FOXP1: variants seen among roughly 807,000 people sequenced by gnomAD.
FOXP1 encodes forkhead box P1.
FOXP1 carries 15 observed loss-of-function variants against 98.2 expected under a neutral mutation model. The ratio of observed to expected loss-of-function variants is 0.15; its 90% CI spans 0.10 to 0.24. FOXP1 has a LOEUF of 0.24. FOXP1 is among the 10% of genes least tolerant of loss of function. The pLI is 1.00. For synonymous variants in FOXP1, 371 were observed against 314.5 expected, an observed-to-expected ratio of 1.18 and a Z score of -1.90; for missense variants, 633 against 848.5, an observed-to-expected ratio of 0.75 and a Z score of 3.15.
intron 4 of FOXP1, among the ~76,000 whole-genome samples, chr3:71,328,835 G>A (rs2107707147): frequency 6.6e-6 from 1 of 152,116 alleles, no homozygotes; most frequent in East Asian, 1.9e-4. Flanking sequence ...AGCCGACGTG[G>A]TGGTGCATGC....
intron 6 of FOXP1, among the ~76,000 whole-genome samples, chr3:71,176,743 C>CAAAAAAAAAAAAA (rs573639526): frequency 4.0e-5 from 3 of 75,520 alleles, no homozygotes; most frequent in African/African-American, 1.9e-4. Flanking sequence ...GAGGCTATCT[C>CAAAAAAAAAAAAA]AAAAAAAAAA....
At chr3:71,416,045 C>A (rs978319426) in intron 3 of FOXP1, among the ~76,000 whole-genome samples, 2 of 152,122 alleles carry the variant, frequency 1.3e-5, no homozygotes, top group Admixed American at 1.3e-4. Flanking sequence ...TACAAATTAC[C>A]TACTTTGTGC....
At position 71,582,276 on chromosome 3, in the gene FOXP1, T is replaced by C. The variant is rs1218438279; in HGVS notation, c.-446-579A>G. 1.7e-5 allele frequency: 17 copies of C among 980,934 alleles called. No individual in the cohort carries two copies. In the South Asian group the frequency reaches 3.8e-4, roughly 22 times the overall value. The allele number at this position is 980,934 out of a possible 1,614,324, so 60.8% of individuals were successfully genotyped here. On this transcript the variant is annotated intron_variant, in intron 1 of 20. Coordinates refer to ENST00000649528, the MANE Select transcript of FOXP1 (RefSeq NM_001349338.3). ...GAATCTAAGTTTCCGAGCGCGACGT[T>C]GTCTGAAAAGGAGGGAGGCGGGAGG...
In FOXP1 at chr3:71,037,693, T is replaced by C. The variant is rs115059090; in HGVS notation, c.869+3635A>G. 5.7e-3 allele frequency among the ~76,000 whole-genome samples: 872 copies of C among 152,260 alleles called. 13 individuals carry two copies. Among genetic ancestry groups the C allele is most frequent in the African/African-American group, 0.02 (829 of 41,544 alleles). The stretch of plus-strand genomic sequence containing the variant: ...AATCAGCACAATAAACATTATTAAA[T>C]TGTCGGAGAAAATCAAAGCACGAAG... On this transcript the variant is annotated intron_variant, in intron 11 of 20. Coordinates refer to ENST00000649528, the MANE Select transcript of FOXP1 (RefSeq NM_001349338.3).
chr3:71,415,981 G>A (rs1048674156), intron 3 of FOXP1, among the ~76,000 whole-genome samples: 6 of 152,124 alleles, frequency 3.9e-5, no homozygotes, highest in Admixed American at 1.3e-4. Context: ...GGCATCTTTC[G>A]TCACAGGAAT....
chr3:71,245,806 C>G (rs149177248), intron 5 of FOXP1, among the ~76,000 whole-genome samples: 104 of 151,486 alleles, frequency 6.9e-4, no homozygotes, highest in African/African-American at 2.5e-3. Flanking sequence ...CACCACCCCC[C>G]CCACCCACAA....
Position 71,001,074 on chromosome 3 carries a change from AG to A in FOXP1, c.975-16del, listed in dbSNP as rs1386389933. 7 of 1,589,738 alleles carry A rather than the reference AG, an allele frequency of 4.4e-6. No homozygotes were observed. The highest frequency in any genetic ancestry group is 6.0e-6 in the Non-Finnish European group (7 of 1,158,022). ...TGTTGAGATGTCTGCAACAATACAT[AG>A]AAAATCATTAAGTGAAATGGAGAAA... On this transcript the variant is annotated splice_polypyrimidine_tract_variant and intron_variant, in intron 12 of 20. Coordinates refer to ENST00000649528, the MANE Select transcript of FOXP1 (RefSeq NM_001349338.3).
intron 3 of FOXP1, among the ~76,000 whole-genome samples, chr3:71,371,184 A>C (rs201575241): frequency 1.3e-5 from 2 of 152,182 alleles, no homozygotes; most frequent in East Asian, 3.8e-4. Flanking sequence ...CTGCTGGTTC[A>C]GGCGCCACAC....
intron 5 of FOXP1, among the ~76,000 whole-genome samples, chr3:71,233,360 T>G (rs2066491877): frequency 6.6e-6 from 1 of 152,038 alleles, no homozygotes; most frequent in Admixed American, 6.5e-5. Context: ...GAGCTGAGCT[T>G]CTGTAAATCC....
At chr3:71,079,978 A>T (rs2054235500) in intron 7 of FOXP1, among the ~76,000 whole-genome samples, 1 of 152,220 alleles carries the variant, frequency 6.6e-6, no homozygotes, top group Non-Finnish European at 1.5e-5. Flanking sequence ...ATGCCTAGAA[A>T]GTATAAACAA....
At chr3:71,260,335 G>A (rs1036381400) in intron 5 of FOXP1, among the ~76,000 whole-genome samples, 3 of 152,120 alleles carry the variant, frequency 2.0e-5, no homozygotes, top group African/African-American at 4.8e-5. Context: ...GAAATGCAGA[G>A]ATGAAATGGG....
chr3:70,967,559 A>C (rs1228535759), intron 19 of FOXP1, among the ~76,000 whole-genome samples: 1 of 152,048 alleles, frequency 6.6e-6, no homozygotes, highest in East Asian at 1.9e-4. Context: ...ACACTCTCCT[A>C]CAGTGTGTCA....
chr3:71,351,017 C>T (rs1291846905), intron 4 of FOXP1, among the ~76,000 whole-genome samples: 1 of 152,168 alleles, frequency 6.6e-6, no homozygotes, highest in Non-Finnish European at 1.5e-5. Context: ...GTGGCACACA[C>T]CAGACCAATC....
intron 5 of FOXP1, among the ~76,000 whole-genome samples, chr3:71,242,855 T>C (rs978241123): frequency 6.6e-6 from 1 of 152,070 alleles, no homozygotes; most frequent in African/African-American, 2.4e-5. Context: ...GTTCAAAAAT[T>C]TAAAGAAAGT....
chr3:71,032,685 C>A (rs9861326), intron 11 of FOXP1, among the ~76,000 whole-genome samples: 21,814 of 152,074 alleles, frequency 0.14, 2,961 homozygotes, highest in African/African-American at 0.36. Context: ...AACACTGGTG[C>A]GAACACAGCA....
rs572181753 is a variant in FOXP1, at chr3:71,294,481, C to T, written c.-12+5339G>A. On this transcript the variant is annotated intron_variant, in intron 5 of 20. Transcript: ENST00000649528. ...CATCAGCATCGTCATTCATGTATGC[C>T]TGCCCCTCTAGACTATCAACTCTGT... is the stretch of plus-strand genomic sequence containing the variant. 3.3e-5 allele frequency among the ~76,000 whole-genome samples: 5 copies of T among 152,278 alleles called. No individual in the cohort carries two copies. The South Asian group carries it at 8.3e-4, about 25-fold the overall frequency.
At chr3:71,158,835 G>A (rs1398994544) in intron 6 of FOXP1, among the ~76,000 whole-genome samples, 3 of 151,930 alleles carry the variant, frequency 2.0e-5, no homozygotes, top group Non-Finnish European at 4.4e-5. Context: ...GCCAAGCAAG[G>A]TGGCTCATGC....
rs1445472256 is a variant in FOXP1, at chr3:71,509,845, C to T, written c.-297-16290G>A. Among the ~76,000 whole-genome samples, 3 of 152,314 alleles carry T rather than the reference C, an allele frequency of 2.0e-5. No individual in the cohort carries two copies. In the East Asian group the frequency reaches 5.8e-4, roughly 29 times the overall value. On this transcript the variant is annotated intron_variant, in intron 2 of 20. Transcript: ENST00000649528. ...GCAATGAGCTATGATTAGGCCACTGCACTCCAGGATGGCCAAGAGAGCAAG... is the reference window on the plus strand; with the variant it reads ...GCAATGAGCTATGATTAGGCCACTGTACTCCAGGATGGCCAAGAGAGCAAG...
chr3:71,358,120 A>G (rs1162926016), intron 4 of FOXP1, among the ~76,000 whole-genome samples: 2 of 152,198 alleles, frequency 1.3e-5, no homozygotes, highest in African/African-American at 4.8e-5. Flanking sequence ...TGAAATTTAA[A>G]CATACTTGTA....
Sources: allele counts gnomAD v4.1 joint callset (sites outside exome capture counted in the v4.1 genomes callset), GRCh38; gene constraint gnomAD v4.1.1; transcripts MANE v1.5; gene names NCBI Gene and HGNC (gene_info 2026-07-23, HGNC 2026-07-21).